Variants in ESRRG observed in about 807,000 individuals in gnomAD.
The protein encoded by ESRRG is estrogen-related receptor gamma.
ESRRG carries 13 observed loss-of-function variants against 44.0 expected under a neutral mutation model. The ratio of observed to expected loss-of-function variants is 0.30; its 90% CI spans 0.19 to 0.47. ESRRG has a LOEUF of 0.47. Among genes scored for constraint, ESRRG ranks in the 20% least tolerant of loss-of-function variants. The probability of loss-of-function intolerance (pLI) is 1.00; values close to 1 mark genes in which losing one functional copy is unlikely to be tolerated. For synonymous variants in ESRRG, 215 were observed against 214.6 expected (o/e 1.00, Z -0.02); for missense variants, 395 against 580.6 (o/e 0.68, Z 3.29).
intron 1 of ESRRG, among the ~76,000 whole-genome samples, chr1:217,019,134 T>C (rs1365132341): frequency 1.3e-5 from 2 of 152,222 alleles, no homozygotes; most frequent in African/African-American, 4.8e-5. Flanking sequence ...TCTCTAACTG[T>C]AGTTCTCATG....
intron 2 of ESRRG, among the ~76,000 whole-genome samples, chr1:216,789,592 A>G (rs1317759521): frequency 1.3e-5 from 2 of 152,162 alleles, no homozygotes; most frequent in Non-Finnish European, 2.9e-5. Context: ...GGTCTGGAAC[A>G]GAACTAGCAC....
rs112555904 is a variant in ESRRG at position 216,557,432 on chromosome 1, A to G, written c.862+6787T>C. Among the ~76,000 whole-genome samples, 769 of 152,164 alleles carry G rather than the reference A, an allele frequency of 5.1e-3. 7 individuals carry two copies. The highest frequency in any genetic ancestry group is 0.018 in the African/African-American group (728 of 41,534). On this transcript the variant is annotated intron_variant, in intron 5 of 6. Coordinates refer to ENST00000408911, the MANE Select transcript of ESRRG (RefSeq NM_001438.4). ...AGCCACTGTTAAAAAACCAAACCAA[A>G]CCAAACCAAAACAAAAAAACACATT...
intron 1 of ESRRG, among the ~76,000 whole-genome samples, chr1:217,024,004 AAC>A (rs2080776915): frequency 6.6e-6 from 1 of 152,250 alleles, no homozygotes; most frequent in Non-Finnish European, 1.5e-5. Context: ...ATACATTTGA[AAC>A]ACAAAATGGT....
chr1:216,790,751 A>T (rs2094293754), intron 2 of ESRRG, among the ~76,000 whole-genome samples: 1 of 152,156 alleles, frequency 6.6e-6, no homozygotes, highest in Non-Finnish European at 1.5e-5. Flanking sequence ...TGAAAATAAG[A>T]ATAATGAATC....
At chr1:217,105,358 A>C (rs1253929477) in intron 1 of ESRRG, among the ~76,000 whole-genome samples, 3 of 152,192 alleles carry the variant, frequency 2.0e-5, no homozygotes, top group African/African-American at 4.8e-5. Context: ...ATAATCCTAC[A>C]AGGTAGTCAC....
At position 216,860,213 on chromosome 1, in the gene ESRRG, A is replaced by C. The variant is rs2096025613; in HGVS notation, c.-14+79369T>G. Among the ~76,000 whole-genome samples, 3 of 152,308 alleles carry C rather than the reference A, an allele frequency of 2.0e-5. No individual in the cohort carries two copies. In the South Asian group the frequency reaches 6.2e-4, roughly 32 times the overall value. ...CTGGGAGGCAGTGTTGCAGTGAGGC[A>C]AGATCGTGCCACTGTGCTCCAGCCT... On this transcript the variant is annotated intron_variant, in intron 2 of 7. Transcript: ENST00000359162.
At chr1:216,895,044 G>A (rs976469486) in intron 2 of ESRRG, among the ~76,000 whole-genome samples, 1 of 152,058 alleles carries the variant, frequency 6.6e-6, no homozygotes, top group African/African-American at 2.4e-5. Flanking sequence ...AAATTGGGCT[G>A]GGGGGCGGAT....
At chr1:217,107,226 G>A (rs17695327) in intron 1 of ESRRG, among the ~76,000 whole-genome samples, 24,257 of 152,146 alleles carry the variant, frequency 0.16, 2,556 homozygotes, top group Non-Finnish European at 0.22. Context: ...ATAAGAGTAC[G>A]TCAAATCTCC....
At chr1:216,719,867 T>C (rs962708959) in intron 1 of ESRRG, among the ~76,000 whole-genome samples, 16 of 152,014 alleles carry the variant, frequency 1.1e-4, no homozygotes, top group South Asian at 4.1e-4. Flanking sequence ...ACCATCACTG[T>C]AAGAAGAAAT....
At position 216,583,432 on chromosome 1, in the gene ESRRG, A is replaced by G. The variant is rs182125520; in HGVS notation, c.590-15334T>C. On this transcript the variant is annotated intron_variant, in intron 3 of 6. Coordinates refer to ENST00000408911, the MANE Select transcript of ESRRG (RefSeq NM_001438.4). Reference sequence around the variant, plus strand: ...AAAAACTCACTCTACAAAGCCTCTCATCTCTGCTGCCATTGAGGAAACTAG... The same window carrying G: ...AAAAACTCACTCTACAAAGCCTCTCGTCTCTGCTGCCATTGAGGAAACTAG... 2.7e-3 allele frequency among the ~76,000 whole-genome samples: 409 copies of G among 152,298 alleles called. 2 individuals carry two copies. Among genetic ancestry groups the G allele is most frequent in the African/African-American group, 9.3e-3 (386 of 41,570 alleles).
At position 216,685,511 on chromosome 1, in the gene ESRRG, G is replaced by A. The variant is rs972869404; in HGVS notation, c.57-8020C>T. 3.3e-5 allele frequency among the ~76,000 whole-genome samples: 5 copies of A among 152,166 alleles called. No homozygotes were observed. The East Asian group carries it at 9.7e-4, about 29-fold the overall frequency. On this transcript the variant is annotated intron_variant, in intron 1 of 6. Transcript: ENST00000408911. The stretch of plus-strand genomic sequence containing the variant: ...ACACCAAAGAGAACTCGACACAGAA[G>A]GGGACTGACAGCTAAATGAAGACCT...
At position 217,106,890 on chromosome 1, in the gene ESRRG, C is replaced by G. The variant is rs143518991; in HGVS notation, c.-230+30777G>C. ...TAGATTCTGCCTCTTTTTATACTTT[C>G]ACCAAGCTCTGCGTGTCCATGATGA... On this transcript the variant is annotated intron_variant, in intron 1 of 8. Coordinates refer to the ESRRG transcript ENST00000366940. Among the ~76,000 whole-genome samples the G allele has an allele frequency of 1.1e-3, 175 of 152,306 alleles. 5 individuals are homozygous for G. Among genetic ancestry groups the G allele is most frequent in the South Asian group, 0.01 (50 of 4,824 alleles).
intron 2 of ESRRG, among the ~76,000 whole-genome samples, chr1:216,887,306 T>G (rs2096529648): frequency 6.6e-6 from 1 of 152,164 alleles, no homozygotes; most frequent in African/African-American, 2.4e-5. Context: ...ATTGCCAAAT[T>G]ATATATATTA....
rs6679825 is a variant in ESRRG at position 216,593,155 on chromosome 1, T to C, written c.590-25057A>G. On this transcript the variant is annotated intron_variant, in intron 3 of 6. Transcript: ENST00000408911. ...TATTGTTCAGGTTGCTCAATGTGAA[T>C]GAATAACAGTCACTATGCCATCTCA... Among the ~76,000 whole-genome samples the C allele has an allele frequency of 4.2e-3, 634 of 152,322 alleles. 6 individuals carry two copies. Among genetic ancestry groups the C allele is most frequent in the African/African-American group, 0.013 (535 of 41,574 alleles).
chr1:217,049,662 A>T (rs764238677), intron 1 of ESRRG, among the ~76,000 whole-genome samples: 2 of 152,116 alleles, frequency 1.3e-5, no homozygotes, highest in African/African-American at 2.4e-5. Flanking sequence ...GGCACTCATG[A>T]TCTCTCCACT....
intron 3 of ESRRG, among the ~76,000 whole-genome samples, chr1:216,611,079 T>C (rs902107694): frequency 6.6e-6 from 1 of 151,860 alleles, no homozygotes; most frequent in Non-Finnish European, 1.5e-5. Flanking sequence ...GGCAGGTGCC[T>C]GTAATCCCAG....
chr1:217,083,701 T>C (rs761367642), intron 1 of ESRRG, among the ~76,000 whole-genome samples: 40 of 152,184 alleles, frequency 2.6e-4, no homozygotes, highest in Non-Finnish European at 4.6e-4. Flanking sequence ...AGGTATTATA[T>C]CCCAATTCTG....
At chr1:216,628,234 T>C (rs1325728917) in intron 3 of ESRRG, among the ~76,000 whole-genome samples, 2 of 152,186 alleles carry the variant, frequency 1.3e-5, no homozygotes, top group African/African-American at 4.8e-5. Flanking sequence ...TAGGATCCAA[T>C]CTTTATTTAT....
chr1:216,964,523 T>C (rs917339462), intron 1 of ESRRG, among the ~76,000 whole-genome samples: 3 of 152,084 alleles, frequency 2.0e-5, no homozygotes, highest in African/African-American at 4.8e-5. Flanking sequence ...ATAATGGCAG[T>C]ATATGATGGA....
Sources: gnomAD v4.1 joint callset for allele counts (sites outside exome capture counted in the v4.1 genomes callset) on GRCh38, gnomAD v4.1.1 for gene constraint, MANE v1.5 for transcripts, NCBI Gene and HGNC (gene_info 2026-07-23, HGNC 2026-07-21) for gene names.